NDEL1: variants seen among roughly 807,000 people sequenced by gnomAD.
The protein encoded by NDEL1 is nudE neurodevelopment protein 1 like 1, also known as nuclear distribution protein nudE-like 1.
In NDEL1, 9 loss-of-function variants were observed where a neutral mutation model predicts 45.7. The observed-to-expected ratio is 0.20, with a 90% CI of 0.12 to 0.34. The LOEUF is 0.34. Ranked by LOEUF, NDEL1 falls within the 10% of genes least tolerant of loss-of-function variation. NDEL1 has a pLI of 1.00. For missense variants in NDEL1, 306 were observed against 406.2 expected (o/e 0.75, Z 2.12); for synonymous variants, 133 against 158.6 (o/e 0.84, Z 1.21).
chr17:8,452,541 A>G (rs1242644227), intron 6 of NDEL1, among the ~76,000 whole-genome samples: 3 of 152,166 alleles, frequency 2.0e-5, no homozygotes, highest in Admixed American at 1.3e-4. Context: ...GATCACTGCA[A>G]TTTCATTACA....
intron 8 of NDEL1, among the ~76,000 whole-genome samples, chr17:8,462,546 G>C (rs1175961553): frequency 2.0e-5 from 3 of 152,156 alleles, no homozygotes; most frequent in African/African-American, 7.2e-5. Flanking sequence ...CAAAAGGAAG[G>C]GCAGGATATT....
chr17:8,436,693 A>C (rs182277706), intron 1 of NDEL1: 5 of 152,360 alleles, frequency 3.3e-5, no homozygotes, highest in African/African-American at 7.2e-5. Flanking sequence ...TTTGCAAAGG[A>C]GGTGAGAGTT....
rs149096102 is a variant in NDEL1 at position 8,450,013 on chromosome 17, C to T, written c.527-767C>T. Among the ~76,000 whole-genome samples, 1,407 of 152,126 alleles carry T rather than the reference C, an allele frequency of 9.2e-3. 16 individuals are homozygous for T. Among genetic ancestry groups the T allele is most frequent in the African/African-American group, 0.032 (1,346 of 41,480 alleles). ...AAAACTCGACATTGGCTGGGTGTGG[C>T]GGCTCACGCCTGTAATTCTAGCACT... On this transcript the variant is annotated intron_variant, in intron 5 of 8. Coordinates refer to ENST00000334527, the MANE Select transcript of NDEL1 (RefSeq NM_030808.5).
At chr17:8,445,612 G>A in intron 2 of NDEL1, 99 bp from the exon 3 acceptor site, 1 of 1,271,154 alleles carries the variant, frequency 7.9e-7, no homozygotes, top group Non-Finnish European at 1.1e-6. Context: ...GAGAGCATTA[G>A]CATTCAAGCA....
chr17:8,473,253 C>T (rs1259043667), intron 3 of NDEL1, among the ~76,000 whole-genome samples: 2 of 150,562 alleles, frequency 1.3e-5, no homozygotes, highest in Non-Finnish European at 3.0e-5. Context: ...GTGGTGTGAT[C>T]TCGGCTCACT....
chr17:8,428,916 G>A (rs1285938785), intron 1 of NDEL1, among the ~76,000 whole-genome samples: 30 of 151,810 alleles, frequency 2.0e-4, no homozygotes, highest in South Asian at 8.3e-4. Context: ...CTTGTGATCT[G>A]CCTGCCTTGG....
intron 1 of NDEL1, among the ~76,000 whole-genome samples, chr17:8,421,880 CG>C (rs1908715740): frequency 6.6e-6 from 1 of 152,220 alleles, no homozygotes; most frequent in Non-Finnish European, 1.5e-5. Context: ...TCTGCTCCAC[CG>C]GGATGGTGCT....
At chr17:8,419,033 A>G (rs1908640858) in intron 1 of NDEL1, among the ~76,000 whole-genome samples, 1 of 151,684 alleles carries the variant, frequency 6.6e-6, no homozygotes, top group Non-Finnish European at 1.5e-5. Context: ...TATTTTGTAT[A>G]GACGCAGTGT....
At chr17:8,428,360 G>GTGTGTGTT (rs1908899464) in intron 1 of NDEL1, among the ~76,000 whole-genome samples, 1 of 27,274 alleles carries the variant, frequency 3.7e-5, no homozygotes, top group Non-Finnish European at 8.4e-5. Context: ...GTGTGTGTGT[G>GTGTGTGTT]TATTTTTTTT....
chr17:8,421,658 G>T (rs1240709701), intron 1 of NDEL1, among the ~76,000 whole-genome samples: 1 of 152,200 alleles, frequency 6.6e-6, no homozygotes, highest in Non-Finnish European at 1.5e-5. Context: ...TAAGCCACCA[G>T]GCTTGTGGTA....
chr17:8,435,797 C>T (rs1363533966), upstream of NDEL1: 5 of 385,130 alleles, frequency 1.3e-5, no homozygotes, highest in East Asian at 2.6e-4. Context: ...CCAGCCCCGC[C>T]CCACCCCGCC....
At chr17:8,452,727 T>C (rs1470068768) in intron 6 of NDEL1, among the ~76,000 whole-genome samples, 1 of 133,116 alleles carries the variant, frequency 7.5e-6, no homozygotes, top group Non-Finnish European at 1.6e-5. Flanking sequence ...TTCTTTTCTT[T>C]TCTTTTTCTT....
chr17:8,463,399 C>T, intron 8 of NDEL1: 1 of 1,584,502 alleles, frequency 6.3e-7, no homozygotes. Flanking sequence ...CTTTCTTAAT[C>T]CTGGTGTGTG....
chr17:8,419,080 C>A (rs562375939), intron 1 of NDEL1, among the ~76,000 whole-genome samples: 22 of 151,990 alleles, frequency 1.4e-4, no homozygotes, highest in Non-Finnish European at 2.8e-4. Flanking sequence ...GAACTCCTGG[C>A]CTCAAACAAT....
intron 1 of NDEL1, among the ~76,000 whole-genome samples, chr17:8,419,008 C>T (rs754577990): frequency 9.9e-5 from 15 of 151,942 alleles, no homozygotes; most frequent in Non-Finnish European, 1.9e-4. Flanking sequence ...ACCACCATGC[C>T]TGGCTATTTT....
At chr17:8,439,399 C>G (rs1427277572) in intron 1 of NDEL1, among the ~76,000 whole-genome samples, 2 of 124,002 alleles carry the variant, frequency 1.6e-5, no homozygotes, top group Non-Finnish European at 3.3e-5. Context: ...GGCCACCATA[C>G]CCAGCTAATT....
chr17:8,447,008 T>C (rs1910127609), intron 4 of NDEL1, 106 bp downstream of exon 4: 14 of 1,401,178 alleles, frequency 1.0e-5, no homozygotes, highest in Non-Finnish European at 1.3e-5. Context: ...ACATTTCCTG[T>C]TGGTGTTTCA....
intron 1 of NDEL1, among the ~76,000 whole-genome samples, chr17:8,438,651 G>A (rs1327750080): frequency 6.6e-6 from 1 of 152,050 alleles, no homozygotes; most frequent in Non-Finnish European, 1.5e-5. Context: ...GAGTAGCTGG[G>A]ACCACAGGTG....
At chr17:8,459,645 C>T (rs1302764472) in intron 7 of NDEL1, among the ~76,000 whole-genome samples, 1 of 152,154 alleles carries the variant, frequency 6.6e-6, no homozygotes, top group African/African-American at 2.4e-5. Flanking sequence ...TCCCAAAACA[C>T]ACCCTGCCCC....
Sources: gnomAD v4.1 joint callset for allele counts (sites outside exome capture counted in the v4.1 genomes callset) on GRCh38, gnomAD v4.1.1 for gene constraint, MANE v1.5 for transcripts, NCBI Gene and HGNC (gene_info 2026-07-23, HGNC 2026-07-21) for gene names.